Variants in DHRS7B observed in about 807,000 individuals in gnomAD.
DHRS7B encodes the protein peroxisomal reductase activating PPAR-gamma.
A neutral mutation model predicts 26.4 loss-of-function variants in DHRS7B; 24 were observed. The ratio of observed to expected loss-of-function variants is 0.91; its 90% CI spans 0.66 to 1.28. The LOEUF is 1.28. DHRS7B is among the 50% of genes most tolerant of loss of function. DHRS7B has a pLI of 0.00. For synonymous variants in DHRS7B, 142 were observed against 166.4 expected (o/e 0.85, Z 1.13); for missense variants, 368 against 419.4 (o/e 0.88, Z 1.07).
At chr17:21,152,041 G>A (rs1403512429) in intron 1 of DHRS7B, among the ~76,000 whole-genome samples, 1 of 152,196 alleles carries the variant, frequency 6.6e-6, no homozygotes, top group African/African-American at 2.4e-5. Context: ...TAAGCTTCTT[G>A]AGGCCTCCCC....
rs4020775 is a variant in DHRS7B, at chr17:21,140,479, T to TACACACACACAC, written c.20+13537_20+13548dup. Among the ~76,000 whole-genome samples, 450 of 83,676 alleles carry TACACACACACAC rather than the reference T, an allele frequency of 5.4e-3. 17 individuals are homozygous for TACACACACACAC. Among genetic ancestry groups the TACACACACACAC allele is most frequent in the East Asian group, 9.7e-3 (26 of 2,676 alleles). The allele number at this position is 83,676 out of a possible 152,430, so 54.9% of individuals were successfully genotyped here. On this transcript the variant is annotated intron_variant, in intron 1 of 6. Transcript: ENST00000395511. ...ATAGAAATTTTAAAGGCCTTTTAAATACACACACACACACACACACACACA... is the reference window on the plus strand; with the variant it reads ...ATAGAAATTTTAAAGGCCTTTTAAATACACACACACACACACACACACACACACACACACACA...
At chr17:21,154,453 A>G (rs1276960949) in intron 1 of DHRS7B, among the ~76,000 whole-genome samples, 1 of 152,242 alleles carries the variant, frequency 6.6e-6, no homozygotes, top group African/African-American at 2.4e-5. Context: ...TTCAAAAGCA[A>G]AGGAGAAATA....
chr17:21,171,814 T>G, intron 1 of DHRS7B: 1 of 708,322 alleles, frequency 1.4e-6, no homozygotes, highest in South Asian at 1.5e-5. Context: ...TTCTGTCCGC[T>G]CATGTCAGTA....
rs187996395 is a variant in DHRS7B at position 21,187,968 on chromosome 17, C to T, written c.620-743C>T. ...GGTTCACACCATTCTCCTGCCTCAG[C>T]CTCCCGTGTAGCTGGGACTACAGGC... On this transcript the variant is annotated intron_variant, in intron 5 of 6. Transcript: ENST00000395511. 4.7e-3 allele frequency among the ~76,000 whole-genome samples: 717 copies of T among 152,226 alleles called. 7 individuals are homozygous for T. The highest frequency in any genetic ancestry group is 0.016 in the African/African-American group (659 of 41,538).
chr17:21,187,713 A>ATC (rs1567631391), intron 5 of DHRS7B, among the ~76,000 whole-genome samples: 3 of 151,636 alleles, frequency 2.0e-5, no homozygotes, highest in African/African-American at 7.3e-5. Context: ...AGCACTGATT[A>ATC]TCTCTAGGAA....
chr17:21,129,530 AC>A (rs1230103271), intron 1 of DHRS7B, among the ~76,000 whole-genome samples: 2 of 151,626 alleles, frequency 1.3e-5, no homozygotes, highest in Non-Finnish European at 2.9e-5. Context: ...ACATAGGGAG[AC>A]CCCATTTCTA....
chr17:21,164,030 C>CTTTTTTTTTTTTTTTTTTTTTTTTTT lies in DHRS7B; in HGVS notation c.21-7972_21-7971insTTTTTTTTTTTTTTTTTTTTTTTTTT, dbSNP rs35189205. On this transcript the variant is annotated intron_variant, in intron 1 of 6. Coordinates refer to ENST00000395511, the MANE Select transcript of DHRS7B (RefSeq NM_015510.5). ...AGTGCAGATATTGTCAATTGTTGTG[C>CTTTTTTTTTTTTTTTTTTTTTTTTTT]TTTTTTTTTTTTTTTTGAGACAGGG... is the stretch of plus-strand genomic sequence containing the variant. Among the ~76,000 whole-genome samples the CTTTTTTTTTTTTTTTTTTTTTTTTTT allele has an allele frequency of 1.9e-4, 18 of 96,952 alleles. 2 individuals are homozygous for CTTTTTTTTTTTTTTTTTTTTTTTTTT. Among genetic ancestry groups the CTTTTTTTTTTTTTTTTTTTTTTTTTT allele is most frequent in the African/African-American group, 8.6e-4 (17 of 19,760 alleles). The allele number at this position is 96,952 out of a possible 152,430, so 63.6% of individuals were successfully genotyped here.
chr17:21,164,310 G>A (rs1178800171), intron 1 of DHRS7B, among the ~76,000 whole-genome samples: 1 of 152,094 alleles, frequency 6.6e-6, no homozygotes. Flanking sequence ...GGGATTACAG[G>A]CATGAGCCAC....
At position 21,156,639 on chromosome 17, in the gene DHRS7B, G is replaced by A. The variant is rs540721613; in HGVS notation, c.21-15379G>A. Among the ~76,000 whole-genome samples the A allele has an allele frequency of 1.3e-4, 19 of 151,906 alleles. 1 individual carries two copies. Among genetic ancestry groups the A allele is most frequent in the Non-Finnish European group, 8.8e-5 (6 of 67,964 alleles). On this transcript the variant is annotated intron_variant, in intron 1 of 6. Coordinates refer to ENST00000395511, the MANE Select transcript of DHRS7B (RefSeq NM_015510.5). ...TTATAATAAAAAAAATAAGCCGGGC[G>A]TGGTGGCTCATGCCTGTAATCCCAG... is the stretch of plus-strand genomic sequence containing the variant.
chr17:21,189,068 C>T (rs941465537), intron 6 of DHRS7B, among the ~76,000 whole-genome samples: 11 of 152,158 alleles, frequency 7.2e-5, no homozygotes, highest in African/African-American at 2.4e-4. Context: ...TTAGTGTGAA[C>T]GTCACCATTG....
At chr17:21,131,551 T>C (rs1159421300) in intron 1 of DHRS7B, among the ~76,000 whole-genome samples, 1 of 152,218 alleles carries the variant, frequency 6.6e-6, no homozygotes, top group East Asian at 1.9e-4. Context: ...CAGCCTGCTT[T>C]ATCAGCAAGG....
At chr17:21,190,674 CA>C (rs2144266794) in intron 6 of DHRS7B, among the ~76,000 whole-genome samples, 1 of 152,376 alleles carries the variant, frequency 6.6e-6, no homozygotes, top group East Asian at 1.9e-4. Context: ...ACTTTGGTTC[CA>C]AGCCCTAACT....
chr17:21,188,928 T>C, intron 6 of DHRS7B, 65 bp downstream of exon 6: 1 of 1,590,494 alleles, frequency 6.3e-7, no homozygotes, highest in Non-Finnish European at 8.6e-7. Flanking sequence ...GACATGCTGC[T>C]CTTACTTCAG....
intron 1 of DHRS7B, among the ~76,000 whole-genome samples, chr17:21,143,693 T>C (rs1973578280): frequency 6.6e-6 from 1 of 152,192 alleles, no homozygotes; most frequent in Non-Finnish European, 1.5e-5. Context: ...GATAGTAAAA[T>C]AGTGGTTCTC....
chr17:21,187,612 T>C (rs1035477715), intron 5 of DHRS7B, among the ~76,000 whole-genome samples: 1 of 124,178 alleles, frequency 8.1e-6, no homozygotes, highest in Non-Finnish European at 1.6e-5. Flanking sequence ...CCCGCCTGGG[T>C]GGCAGAGCGA....
chr17:21,182,716 C>T (rs1335201015), intron 3 of DHRS7B, among the ~76,000 whole-genome samples: 2 of 152,186 alleles, frequency 1.3e-5, no homozygotes, highest in Non-Finnish European at 2.9e-5. Context: ...GTTGAACCAA[C>T]TTTGCTTGCA....
chr17:21,184,515 T>A (rs1160961144), intron 5 of DHRS7B, 52 bp downstream of exon 5: 1 of 1,526,330 alleles, frequency 6.6e-7, no homozygotes, highest in African/African-American at 1.4e-5. Flanking sequence ...TTTTTCCTGA[T>A]TATAAAAATA....
At chr17:21,142,308 A>T (rs1447798211) in intron 1 of DHRS7B, among the ~76,000 whole-genome samples, 1 of 152,156 alleles carries the variant, frequency 6.6e-6, no homozygotes, top group Non-Finnish European at 1.5e-5. Context: ...CGTGTCTGGA[A>T]TCTATAGATA....
At chr17:21,168,764 G>A (rs1974170117) in intron 1 of DHRS7B, 2 of 985,458 alleles carry the variant, frequency 2.0e-6, no homozygotes, top group Middle Eastern at 5.2e-4. Context: ...AGCGGCCCGG[G>A]CCAAGGATGG....
Sources: gnomAD v4.1 joint callset for allele counts (sites outside exome capture counted in the v4.1 genomes callset) on GRCh38, gnomAD v4.1.1 for gene constraint, MANE v1.5 for transcripts, NCBI Gene and HGNC (gene_info 2026-07-23, HGNC 2026-07-21) for gene names.